The following GBP6 variants were observed in gnomAD, a reference collection of about 807,000 sequenced individuals.
GBP6 encodes the protein guanylate-binding protein 6.
Under a neutral mutation model 61.5 loss-of-function variants are expected in GBP6, and 54 were observed. The observed-to-expected ratio is 0.88, with a 90% CI of 0.71 to 1.10. GBP6 has a LOEUF of 1.10. GBP6 is among the 50% of genes least tolerant of loss of function. GBP6 has a pLI of 0.00. For missense variants in GBP6, 748 were observed against 752.8 expected (o/e 0.99, Z 0.07); for synonymous variants, 255 against 273.7 (o/e 0.93, Z 0.67).
In GBP6 at chr1:89,388,152, C is replaced by T. The variant is rs145850040; in HGVS notation, c.*2683C>T. Among the ~76,000 whole-genome samples, 193 of 152,164 alleles carry T rather than the reference C, an allele frequency of 1.3e-3. No homozygotes were observed. The highest frequency in any genetic ancestry group is 4.2e-3 in the African/African-American group (176 of 41,516). ...TATCACAGTCTCTATAAAACTATAT[C>T]AAAGAAAGAATTTTTCTCTGTGCTT... On this transcript the variant is annotated 3_prime_UTR_variant, in exon 11 of 11. Transcript: ENST00000370456.
At chr1:89,384,334 AC>A in intron 10 of GBP6, 48 bp downstream of exon 10, 8 of 1,483,904 alleles carry the variant, frequency 5.4e-6, no homozygotes, top group Non-Finnish European at 7.2e-6. Flanking sequence ...TCACCCAGGT[AC>A]CTCAGGAAGG....
At chr1:89,376,523 G>A (rs1284571061) in intron 3 of GBP6, among the ~76,000 whole-genome samples, 1 of 152,150 alleles carries the variant, frequency 6.6e-6, no homozygotes, top group Non-Finnish European at 1.5e-5. Flanking sequence ...GTTCGCTGTG[G>A]ATGTATACAT....
intron 1 of GBP6, among the ~76,000 whole-genome samples, chr1:89,366,943 T>A (rs1350270116): frequency 2.0e-5 from 3 of 152,248 alleles, no homozygotes; most frequent in Non-Finnish European, 4.4e-5. Context: ...TCACTTGGCA[T>A]AATGTCTTCA....
At position 89,386,511 on chromosome 1, in the gene GBP6, G is replaced by A. The variant is rs945857413; in HGVS notation, c.*1042G>A. 3 of 152,210 alleles carry A rather than the reference G, an allele frequency of 2.0e-5. No homozygotes were observed. The highest frequency in any genetic ancestry group is 2.0e-4 in the Admixed American group (3 of 15,278). The allele number at this position is 152,210 out of a possible 1,614,324, so 9.4% of individuals were successfully genotyped here. On this transcript the variant is annotated 3_prime_UTR_variant, in exon 11 of 11. Transcript: ENST00000370456. Reference sequence around the variant, plus strand: ...TAGGAATTACATCAGCCAGCCCAATGAGGGGTCTAAGACTAAGATCTGAGT... The same window carrying A: ...TAGGAATTACATCAGCCAGCCCAATAAGGGGTCTAAGACTAAGATCTGAGT...
chr1:89,387,577 A>G lies in GBP6; in HGVS notation c.*2108A>G, dbSNP rs1653175633. Among the ~76,000 whole-genome samples the G allele has an allele frequency of 6.6e-6, 1 of 152,212 alleles. No homozygotes were observed. The highest frequency in any genetic ancestry group is 2.4e-5 in the African/African-American group (1 of 41,458). On this transcript the variant is annotated 3_prime_UTR_variant, in exon 11 of 11. Transcript: ENST00000370456. ...ATTGATAAAATATCATGAACTTTCC[A>G]GAGATCAGTGGTAATAAGTTGTTTG...
chr1:89,368,400 G>A, intron 1 of GBP6, 129 bp from the exon 2 acceptor site: 1 of 599,884 alleles, frequency 1.7e-6, no homozygotes, highest in Non-Finnish European at 3.0e-6. Flanking sequence ...AAGAAGCCTT[G>A]TGCAGTCAGC....
intron 3 of GBP6, among the ~76,000 whole-genome samples, chr1:89,374,928 C>T (rs746315845): frequency 9.2e-5 from 14 of 152,122 alleles, no homozygotes; most frequent in Non-Finnish European, 2.1e-4. Context: ...TCCCCTCCCA[C>T]ACCCTCCCCT....
At chr1:89,383,226 T>TC (rs1295999183) in intron 8 of GBP6, among the ~76,000 whole-genome samples, 2 of 150,726 alleles carry the variant, frequency 1.3e-5, no homozygotes, top group East Asian at 2.0e-4. Context: ...GCACCTTTAT[T>TC]TGGAAATTTT....
rs745327988 is a variant in GBP6 at position 89,381,719 on chromosome 1, T to C, written c.897T>C (p.Tyr299=). ...GTCTGGGAACTCTGGCAGTGACTTA[T>C]GTAGAGGCCATCAACAGTGGAGCAG... ...GNRLGTLAVT[Y]VEAINSGAVP... The change falls in exon 7 of 11, where the codon TAT becomes TAC. Residue 299 remains tyrosine (Y), a synonymous_variant. Transcript: ENST00000370456. 22 of 1,613,480 alleles carry C rather than the reference T, an allele frequency of 1.4e-5. No individual in the cohort carries two copies. The highest frequency in any genetic ancestry group is 6.6e-5 in the South Asian group (6 of 91,036).
In GBP6 at chr1:89,383,695, T is replaced by C. The variant is rs367974925; in HGVS notation, c.1409T>C (p.Ile470Thr). The C allele has an allele frequency of 6.2e-7, 1 of 1,612,724 alleles. No individual in the cohort carries two copies. The highest frequency in any genetic ancestry group is 2.2e-5 in the East Asian group (1 of 44,870). ...FQRFLESQMV[I>T]EESILQSDKA... is the part of the protein sequence containing the mutation. ...AGGTTCCTGGAGTCACAGATGGTGATAGAGGAATCCATCTTGCAGTCAGAT... is the reference window on the plus strand; with the variant it reads ...AGGTTCCTGGAGTCACAGATGGTGACAGAGGAATCCATCTTGCAGTCAGAT... The change falls in exon 9 of 11, where the codon ATA (isoleucine) becomes ACA (threonine). Residue 470 changes from isoleucine (I) to threonine (T), a missense_variant. Physicochemically the swap from Ile to Thr is moderately conservative, Grantham distance 89 (BLOSUM62 -1). Coordinates refer to ENST00000370456, the MANE Select transcript of GBP6 (RefSeq NM_198460.3).
intron 7 of GBP6, 124 bp from the exon 8 acceptor site, chr1:89,382,540 A>T: frequency 1.4e-6 from 1 of 729,310 alleles, no homozygotes; most frequent in Non-Finnish European, 2.4e-6. Context: ...CTGATTCCAC[A>T]TCTACTCCAC....
At chr1:89,365,175 T>C (rs921789138) in intron 1 of GBP6, among the ~76,000 whole-genome samples, 2 of 152,216 alleles carry the variant, frequency 1.3e-5, no homozygotes, top group Admixed American at 6.5e-5. Flanking sequence ...CAGGTGATTC[T>C]TATGTACATC....
At chr1:89,382,483 C>G (rs971217347) in intron 7 of GBP6, among the ~76,000 whole-genome samples, 181 bp from the exon 8 acceptor site, 4 of 152,156 alleles carry the variant, frequency 2.6e-5, no homozygotes, top group Non-Finnish European at 2.9e-5. Context: ...TTTTCCATAG[C>G]CTTGAAGAGA....
At chr1:89,370,650 G>C (rs1652603138) in intron 3 of GBP6, among the ~76,000 whole-genome samples, 1 of 151,978 alleles carries the variant, frequency 6.6e-6, no homozygotes. Flanking sequence ...TAGAAATTCT[G>C]TTTATTTTTC....
intron 3 of GBP6, among the ~76,000 whole-genome samples, chr1:89,375,969 G>A (rs1652797801): frequency 6.6e-6 from 1 of 151,550 alleles, no homozygotes; most frequent in Admixed American, 6.6e-5. Context: ...CTCTCCACTA[G>A]CCCCTCGTAA....
intron 3 of GBP6, among the ~76,000 whole-genome samples, chr1:89,377,019 A>G (rs2100666807): frequency 6.6e-6 from 1 of 152,288 alleles, no homozygotes; most frequent in East Asian, 1.9e-4. Flanking sequence ...AAAAAAATGA[A>G]TAGGCTATTC....
chr1:89,382,277 T>G (rs573909077), intron 7 of GBP6, among the ~76,000 whole-genome samples: 20 of 152,336 alleles, frequency 1.3e-4, no homozygotes, highest in African/African-American at 4.6e-4. Context: ...TAGTTTACCT[T>G]TCCCAGGAAA....
chr1:89,380,616 A>G lies in GBP6; in HGVS notation c.856A>G (p.Thr286Ala). The change falls in exon 6 of 11, where the codon ACA (threonine) becomes GCA (alanine). Residue 286 changes from threonine (T) to alanine (A), a missense_variant. Thr to Ala is a moderately conservative substitution (Grantham distance 58). Transcript: ENST00000370456. ...ARTKTLREGI[T>A]VTGNRLGTLA... ...AACCAAGACCCTCAGGGAGGGAATCACAGTCACTGGGAATCGTGAGTCTCC... is the reference window on the plus strand; with the variant it reads ...AACCAAGACCCTCAGGGAGGGAATCGCAGTCACTGGGAATCGTGAGTCTCC... 6.2e-7 allele frequency: 1 copy of G among 1,613,734 alleles called. No individual in the cohort carries two copies. The highest frequency in any genetic ancestry group is 8.5e-7 in the Non-Finnish European group (1 of 1,179,628).
At chr1:89,371,098 GTCTT>G (rs1652622420) in intron 3 of GBP6, among the ~76,000 whole-genome samples, 1 of 152,154 alleles carries the variant, frequency 6.6e-6, no homozygotes, top group African/African-American at 2.4e-5. Context: ...TGCAGTATTT[GTCTT>G]TCTATGTCTG....
Sources: gnomAD v4.1 joint callset for allele counts (sites outside exome capture counted in the v4.1 genomes callset) on GRCh38, gnomAD v4.1.1 for gene constraint, MANE v1.5 for transcripts, NCBI Gene and HGNC (gene_info 2026-07-23, HGNC 2026-07-21) for gene names.